EMP1: variants seen among roughly 807,000 people sequenced by gnomAD.
EMP1 encodes the protein epithelial membrane protein 1, also known as tumor-associated membrane protein.
EMP1 carries 5 observed loss-of-function variants against 15.7 expected under a neutral mutation model. That is an observed-to-expected ratio of 0.32 (90% CI 0.17 to 0.67). The LOEUF is 0.67. Among genes scored for constraint, EMP1 ranks in the 30% least tolerant of loss-of-function variants. EMP1 has a pLI of 0.74. For synonymous variants in EMP1, 78 were observed against 76.7 expected (o/e 1.02, Z -0.09); for missense variants, 166 against 194.2 (o/e 0.85, Z 0.86).
intron 4 of EMP1, 41 bp downstream of exon 4, chr12:13,213,862 T>G: frequency 6.2e-7 from 1 of 1,609,770 alleles, no homozygotes; most frequent in Non-Finnish European, 8.5e-7. Context: ...CACTTTTAAG[T>G]CCATCTTACC....
At position 13,217,159 on chromosome 12, in the gene EMP1, A is replaced by G. The variant is rs915281432; in HGVS notation, c.*2468A>G. 2.0e-5 allele frequency: 3 copies of G among 152,226 alleles called. No homozygotes were observed. Among genetic ancestry groups the G allele is most frequent in the African/African-American group, 7.2e-5 (3 of 41,450 alleles). The allele number at this position is 152,226 out of a possible 1,614,324, so 9.4% of individuals were successfully genotyped here. A position where few individuals can be genotyped will look rare whatever the true frequency, so the allele number is the denominator to read the frequency against. On this transcript the variant is annotated 3_prime_UTR_variant, in exon 5 of 5. Transcript: ENST00000256951. ...AAAGTGATTCACAAAGGCATGCATC[A>G]CACCTATTTGTAGCAGCCCATTCAT...
chr12:13,213,035 C>T (rs768120143), intron 2 of EMP1, among the ~76,000 whole-genome samples: 1 of 152,202 alleles, frequency 6.6e-6, no homozygotes, highest in East Asian at 1.9e-4. Flanking sequence ...TCTTATGTTT[C>T]TTAATTGTTT....
chr12:13,208,366 A>G (rs1433194623), intron 1 of EMP1, among the ~76,000 whole-genome samples: 1 of 152,140 alleles, frequency 6.6e-6, no homozygotes, highest in Non-Finnish European at 1.5e-5. Flanking sequence ...GCTTTTTCAT[A>G]AAGACCTCAG....
At position 13,204,855 on chromosome 12, in the gene EMP1, A is replaced by T. The variant is rs1212805076; in HGVS notation, c.-42-6614A>T. On this transcript the variant is annotated intron_variant, in intron 1 of 4. Transcript: ENST00000256951. ...GGGAGTGTCTAGCAGTAATCTCAGG[A>T]CTGTGTTATGACTTGACTGAGATTT... Among the ~76,000 whole-genome samples, 3 of 152,192 alleles carry T rather than the reference A, an allele frequency of 2.0e-5. No homozygotes were observed. The South Asian group carries it at 6.2e-4, about 32-fold the overall frequency.
rs756657075 is a variant in EMP1, at chr12:13,217,243, T to G, written c.*2552T>G. On this transcript the variant is annotated 3_prime_UTR_variant, in exon 5 of 5. Coordinates refer to ENST00000256951, the MANE Select transcript of EMP1 (RefSeq NM_001423.3). ...TGAGTGAAGGGAGGCTTCACTACTT[T>G]CTGTGAGCAGTAAGGACTGGTATCT... 2 of 152,222 alleles carry G rather than the reference T, an allele frequency of 1.3e-5. No individual in the cohort carries two copies. The highest frequency in any genetic ancestry group is 2.9e-5 in the Non-Finnish European group (2 of 68,032). The allele number at this position is 152,222 out of a possible 1,614,324, so 9.4% of individuals were successfully genotyped here. A position where few individuals can be genotyped will look rare whatever the true frequency, so the allele number is the denominator to read the frequency against.
rs1565576851 is a variant in EMP1 at position 13,200,290 on chromosome 12, G to T, written c.-43+3418G>T. On this transcript the variant is annotated intron_variant, in intron 1 of 4. Transcript: ENST00000256951. ...CTTTTGGGGATTGTCCCATAATTTGGTCCATAGTTCATGTAGCCCACACCT... is the reference window on the plus strand; with the variant it reads ...CTTTTGGGGATTGTCCCATAATTTGTTCCATAGTTCATGTAGCCCACACCT... Among the ~76,000 whole-genome samples the T allele has an allele frequency of 2.6e-5, 4 of 152,120 alleles. No individual in the cohort carries two copies. In the East Asian group the frequency reaches 5.8e-4, roughly 22 times the overall value.
chr12:13,200,745 A>G (rs562019576), intron 1 of EMP1, among the ~76,000 whole-genome samples: 1 of 152,296 alleles, frequency 6.6e-6, no homozygotes, highest in East Asian at 1.9e-4. Context: ...ACCTGTGGTG[A>G]TTGCTGCTTC....
In EMP1 at chr12:13,215,802, A is replaced by C. The variant is rs1008199399; in HGVS notation, c.*1111A>C. The C allele has an allele frequency of 6.5e-6, 1 of 153,482 alleles. No individual in the cohort carries two copies. The highest frequency in any genetic ancestry group is 2.4e-5 in the African/African-American group (1 of 41,434). The allele number at this position is 153,482 out of a possible 1,614,324, so 9.5% of individuals were successfully genotyped here. A position where few individuals can be genotyped will look rare whatever the true frequency, so the allele number is the denominator to read the frequency against. On this transcript the variant is annotated 3_prime_UTR_variant, in exon 5 of 5. Transcript: ENST00000256951. ...CACAGGTGAGGCATGGCAATTCTGG[A>C]AGCTGATTAAAACACACATAAACCA...
At position 13,216,594 on chromosome 12, in the gene EMP1, T is replaced by C. The variant is rs1864218025; in HGVS notation, c.*1903T>C. On this transcript the variant is annotated 3_prime_UTR_variant, in exon 5 of 5. Transcript: ENST00000256951. ...GACTGGAGTAAACCATGTATTCCCT[T>C]ATCTTTTACTTTTTTTCTGTGACAT... 1 of 617,604 alleles carries C rather than the reference T, an allele frequency of 1.6e-6. No homozygotes were observed. Among genetic ancestry groups the C allele is most frequent in the Non-Finnish European group, 2.9e-6 (1 of 348,000 alleles). The allele number at this position is 617,604 out of a possible 1,614,324, so 38.3% of individuals were successfully genotyped here. A position where few individuals can be genotyped will look rare whatever the true frequency, so the allele number is the denominator to read the frequency against.
chr12:13,214,084 A>C, intron 4 of EMP1: 1 of 633,542 alleles, frequency 1.6e-6, no homozygotes, highest in Non-Finnish European at 2.8e-6. Flanking sequence ...TGTACAAGAC[A>C]CTTCAAGAAG....
At chr12:13,209,699 G>T (rs560574778) in intron 1 of EMP1, 209 of 152,222 alleles carry the variant, frequency 1.4e-3, no homozygotes, top group African/African-American at 4.9e-3. Context: ...AAACAGATGA[G>T]CGGTCAAATA....
intron 1 of EMP1, among the ~76,000 whole-genome samples, chr12:13,205,453 C>T (rs1034320507): frequency 3.3e-5 from 5 of 151,550 alleles, no homozygotes; most frequent in Admixed American, 1.3e-4. Context: ...AAGTATTAAG[C>T]AATTTCTGAA....
At chr12:13,203,101 CCCTCCCAGCTTGCCG>C (rs988631198) in intron 1 of EMP1, among the ~76,000 whole-genome samples, 54 of 152,278 alleles carry the variant, frequency 3.5e-4, no homozygotes, top group African/African-American at 1.3e-3. Context: ...GAGGGGCCTC[CCCTCCCAGCTTGCCG>C]CCTTCCAGGA....
chr12:13,214,752 G>A lies in EMP1; in HGVS notation c.*61G>A. 1 of 1,330,328 alleles carries A rather than the reference G, an allele frequency of 7.5e-7. No individual in the cohort carries two copies. Among genetic ancestry groups the A allele is most frequent in the African/African-American group, 1.6e-5 (1 of 63,550 alleles). The allele number at this position is 1,330,328 out of a possible 1,614,324, so 82.4% of individuals were successfully genotyped here. ...AGGAGGAAGCCGTTGAATCTGGGAGGGAAGTGGAGGTTGCTGTACAGGAAA... is the reference window on the plus strand; with the variant it reads ...AGGAGGAAGCCGTTGAATCTGGGAGAGAAGTGGAGGTTGCTGTACAGGAAA... On this transcript the variant is annotated 3_prime_UTR_variant, in exon 5 of 5. Transcript: ENST00000256951.
chr12:13,205,885 G>A (rs1360308845), intron 1 of EMP1, among the ~76,000 whole-genome samples: 1 of 152,218 alleles, frequency 6.6e-6, no homozygotes, highest in Non-Finnish European at 1.5e-5. Context: ...TCCAAGTCCT[G>A]GGATTGCAAG....
intron 1 of EMP1, among the ~76,000 whole-genome samples, chr12:13,208,451 A>G (rs533645982): frequency 1.3e-5 from 2 of 152,194 alleles, no homozygotes; most frequent in Non-Finnish European, 2.9e-5. Context: ...CTGGGTAACT[A>G]GGGATGATTC....
In EMP1 at chr12:13,216,702, A is replaced by G. The variant is rs961708818; in HGVS notation, c.*2011A>G. On this transcript the variant is annotated 3_prime_UTR_variant, in exon 5 of 5. Coordinates refer to ENST00000256951, the MANE Select transcript of EMP1 (RefSeq NM_001423.3). ...TCTTCGTTAATAGATTATTTCATAT[A>G]CTATAATTGTAAATATTTTGATACA... is the stretch of plus-strand genomic sequence containing the variant. 8 of 415,134 alleles carry G rather than the reference A, an allele frequency of 1.9e-5. No homozygotes were observed. Among genetic ancestry groups the G allele is most frequent in the Non-Finnish European group, 3.4e-5 (8 of 235,914 alleles). 25.7% of individuals were successfully genotyped at this position (415,134 alleles called of 1,614,324 possible).
intron 1 of EMP1, among the ~76,000 whole-genome samples, chr12:13,210,709 T>C (rs1048850073): frequency 5.9e-5 from 9 of 152,202 alleles, no homozygotes; most frequent in African/African-American, 1.4e-4. Context: ...AACCATCACA[T>C]TGAGCTGTGG....
Position 13,211,155 on chromosome 12 carries a change from A to G in EMP1, c.-42-314A>G, listed in dbSNP as rs1283312656. On this transcript the variant is annotated intron_variant, in intron 1 of 4. Transcript: ENST00000256951. This position sits in a 1 kb window ranked among gnomAD's most constrained non-coding sequence, Gnocchi z 4.7. ...TTTTTAACCTCTAAAACACAAACAA[A>G]ATAAAATACGAACAGTTATCATAAA... 6.6e-6 allele frequency among the ~76,000 whole-genome samples: 1 copy of G among 152,230 alleles called. No individual in the cohort carries two copies.
Sources: gnomAD v4.1 joint callset for allele counts (sites outside exome capture counted in the v4.1 genomes callset) on GRCh38, gnomAD v4.1.1 for gene constraint, Gnocchi (gnomAD v3.1) non-coding constraint, MANE v1.5 for transcripts, NCBI Gene and HGNC (gene_info 2026-07-23, HGNC 2026-07-21) for gene names.